Variants in TDG observed in about 807,000 individuals in gnomAD.
The protein encoded by TDG is G/T mismatch-specific thymine DNA glycosylase.
TDG carries 23 observed loss-of-function variants against 46.1 expected under a neutral mutation model. The observed-to-expected ratio is 0.50, with a 90% confidence interval of 0.36 to 0.71. TDG has a LOEUF of 0.71. Ranked by LOEUF, TDG falls within the 30% of genes least tolerant of loss-of-function variation. TDG has a pLI of 0.00. For synonymous variants in TDG, 115 were observed against 161.3 expected, an observed-to-expected ratio of 0.71 and a Z score of 2.18; for missense variants, 304 against 486.7, an observed-to-expected ratio of 0.62 and a Z score of 3.53.
At chr12:103,977,148 T>G (rs1054876436) in intron 2 of TDG, 88 bp downstream of exon 2, 12 of 1,524,026 alleles carry the variant, frequency 7.9e-6, no homozygotes, top group Non-Finnish European at 8.8e-6. Flanking sequence ...TTAGCTCTAT[T>G]TTAGTGTTAA....
At position 103,988,149 on chromosome 12, in the gene TDG, T is replaced by C. The variant is rs1411397952; in HGVS notation, c.*1059T>C. On this transcript the variant is annotated 3_prime_UTR_variant, in exon 10 of 10. Transcript: ENST00000392872. The stretch of plus-strand genomic sequence containing the variant: ...TACCTTTGTGATTTTCTAATGAGTT[T>C]TCCATGGTGCTACAAATAATCCAGA... 3.9e-5 allele frequency: 6 copies of C among 152,664 alleles called. No homozygotes were observed. Among genetic ancestry groups the C allele is most frequent in the Non-Finnish European group, 8.8e-5 (6 of 68,054 alleles). 9.5% of individuals were successfully genotyped at this position (152,664 alleles called of 1,614,324 possible). A position where few individuals can be genotyped will look rare whatever the true frequency, so the allele number is the denominator to read the frequency against.
intron 3 of TDG, 107 bp from the exon 4 acceptor site, chr12:103,980,786 A>T: frequency 1.1e-6 from 1 of 887,584 alleles, no homozygotes; most frequent in Non-Finnish European, 1.8e-6. Context: ...ATGCTGAATT[A>T]AATTTGTATT....
At chr12:103,981,864 A>G (rs1871853835) in intron 4 of TDG, among the ~76,000 whole-genome samples, 1 of 152,202 alleles carries the variant, frequency 6.6e-6, no homozygotes, top group South Asian at 2.1e-4. Context: ...TAAATAAAAA[A>G]TTAGCTGAGT....
chr12:103,978,979 A>G (rs988225262), intron 2 of TDG, among the ~76,000 whole-genome samples: 3 of 152,096 alleles, frequency 2.0e-5, no homozygotes, highest in African/African-American at 7.2e-5. Context: ...TTGCCTTTTG[A>G]AAAATACTGC....
intron 4 of TDG, 41 bp downstream of exon 4, chr12:103,981,003 G>T (rs751826649): frequency 5.5e-5 from 85 of 1,548,916 alleles, no homozygotes; most frequent in Non-Finnish European, 7.0e-5. Flanking sequence ...TTTAAATTAG[G>T]TATCTTTGTT....
chr12:103,976,253 A>T (rs1198495108), intron 1 of TDG, among the ~76,000 whole-genome samples: 4 of 152,098 alleles, frequency 2.6e-5, no homozygotes, highest in African/African-American at 9.7e-5. Flanking sequence ...AAAATTACAA[A>T]AATTAGCCAG....
At chr12:103,981,345 C>G (rs951508387) in intron 4 of TDG, among the ~76,000 whole-genome samples, 1 of 149,084 alleles carries the variant, frequency 6.7e-6, no homozygotes, top group African/African-American at 2.5e-5. Flanking sequence ...AAGTGATTCT[C>G]CTGCCTCAGC....
chr12:103,983,681 G>A (rs1352787475), intron 7 of TDG, among the ~76,000 whole-genome samples: 1 of 152,216 alleles, frequency 6.6e-6, no homozygotes, highest in African/African-American at 2.4e-5. Flanking sequence ...TTAATGGCAT[G>A]TAGTTGTCAA....
intron 1 of TDG, 69 bp from the exon 2 acceptor site, chr12:103,976,849 A>G: frequency 1.9e-6 from 3 of 1,582,276 alleles, no homozygotes; most frequent in South Asian, 2.3e-5. Context: ...AGATTTTTGT[A>G]CAGCTGATCA....
At chr12:103,972,397 G>T (rs553234177) in intron 1 of TDG, among the ~76,000 whole-genome samples, 2 of 152,188 alleles carry the variant, frequency 1.3e-5, no homozygotes, top group Admixed American at 1.3e-4. Flanking sequence ...GATTACAGGC[G>T]TGAGCCACTG....
intron 9 of TDG, chr12:103,986,635 C>T (rs1351845097): frequency 4.7e-5 from 10 of 213,606 alleles, no homozygotes; most frequent in Non-Finnish European, 8.7e-5. Flanking sequence ...TCTCCTCGAT[C>T]CCGGGAGGCA....
At chr12:103,980,827 C>G in intron 3 of TDG, 66 bp from the exon 4 acceptor site, 1 of 1,454,032 alleles carries the variant, frequency 6.9e-7, no homozygotes, top group South Asian at 1.2e-5. Context: ...CACCACTCCT[C>G]CATAGAAACG....
chr12:103,966,669 A>G (rs1871048318), intron 1 of TDG, among the ~76,000 whole-genome samples: 2 of 152,260 alleles, frequency 1.3e-5, no homozygotes, highest in South Asian at 2.1e-4. Flanking sequence ...GGGAGTCAAG[A>G]GAAAAATTTG....
chr12:103,977,462 A>G (rs1286392815), intron 2 of TDG, among the ~76,000 whole-genome samples: 1 of 152,148 alleles, frequency 6.6e-6, no homozygotes, highest in Non-Finnish European at 1.5e-5. Flanking sequence ...TAAAGATCAG[A>G]GTAGGGACAT....
chr12:103,987,047 A>C lies in TDG; in HGVS notation c.1190A>C (p.Asn397Thr), dbSNP rs1274912423. ...ACAGACCAAATTCCTTCCTTTAGTA[A>C]TCACTGTGGAACACAAGAACAGGAA... Reference protein sequence around the residue: ...SFTDQIPSFSNHCGTQEQEEE... With the variant: ...SFTDQIPSFSTHCGTQEQEEE... Residue 397 changes from asparagine to threonine, a missense_variant, in exon 10 of 10, where the codon AAT becomes ACT. Transcript: ENST00000392872. 4 of 1,614,128 alleles carry C rather than the reference A, an allele frequency of 2.5e-6. No homozygotes were observed. The highest frequency in any genetic ancestry group is 3.4e-6 in the Non-Finnish European group (4 of 1,180,048).
At chr12:103,985,166 T>TAC (rs375705839) in intron 8 of TDG, among the ~76,000 whole-genome samples, 4,544 of 138,432 alleles carry the variant, frequency 0.033, 156 homozygotes, top group African/African-American at 0.091. Context: ...TATAGACACA[T>TAC]ACACACACAC....
chr12:103,979,684 T>A (rs4135094), intron 2 of TDG, 147 bp from the exon 3 acceptor site: 1 of 947,702 alleles, frequency 1.1e-6, no homozygotes, highest in Non-Finnish European at 1.5e-6. Context: ...AGGGAAGATA[T>A]TGCAGAGGAG....
chr12:103,980,668 G>A, intron 3 of TDG: 2 of 428,062 alleles, frequency 4.7e-6, no homozygotes, highest in Admixed American at 4.1e-5. Flanking sequence ...AGTCAAACTG[G>A]TTTTTTAAAA....
intron 1 of TDG, among the ~76,000 whole-genome samples, chr12:103,972,381 T>G (rs1043721752): frequency 1.3e-5 from 2 of 152,202 alleles, no homozygotes; most frequent in Non-Finnish European, 2.9e-5. Flanking sequence ...CCTCCCAAAG[T>G]GCTGGGATTA....
Sources: gnomAD v4.1 joint callset for allele counts (sites outside exome capture counted in the v4.1 genomes callset) on GRCh38, gnomAD v4.1.1 for gene constraint, MANE v1.5 for transcripts, NCBI Gene and HGNC (gene_info 2026-07-23, HGNC 2026-07-21) for gene names.